DRC1: variants seen among roughly 807,000 people sequenced by gnomAD.
DRC1 encodes the protein dynein regulatory complex subunit 1, also known as dynein regulatory complex protein 1.
Under a neutral mutation model 98.7 loss-of-function variants are expected in DRC1, and 74 were observed. The observed-to-expected ratio is 0.75, with a 90% CI of 0.62 to 0.91. The LOEUF is 0.91. Ranked by LOEUF, DRC1 falls within the 40% of genes least tolerant of loss-of-function variation. DRC1 has a pLI of 0.00. For synonymous variants in DRC1, 336 were observed against 334.1 expected, an observed-to-expected ratio of 1.01 and a Z score of -0.06; for missense variants, 875 against 886.0, an observed-to-expected ratio of 0.99 and a Z score of 0.16.
chr2:26,403,823 G>A (rs773398939), intron 1 of DRC1, among the ~76,000 whole-genome samples: 8 of 142,238 alleles, frequency 5.6e-5, no homozygotes, highest in South Asian at 2.3e-4. Context: ...AAATTGGGCC[G>A]GGCGCAGTGG....
At position 26,454,583 on chromosome 2, in the gene DRC1, G is replaced by T; in HGVS notation, c.1920-64G>T. ...TGGGAAAGCAGTAGGCCTGTGACTG[G>T]CACTGCCTGGGGGCCTGGGTAGTAC... On this transcript the variant is annotated intron_variant, in intron 14 of 16. Coordinates refer to ENST00000288710, the MANE Select transcript of DRC1 (RefSeq NM_145038.5). This position sits in a 1 kb window ranked among gnomAD's most constrained non-coding sequence, Gnocchi z 5.2. The T allele has an allele frequency of 6.3e-7, 1 of 1,591,204 alleles. No homozygotes were observed. The highest frequency in any genetic ancestry group is 1.3e-5 in the African/African-American group (1 of 74,816).
At position 26,421,292 on chromosome 2, in the gene DRC1, T is replaced by C; in HGVS notation, c.248T>C (p.Leu83Ser). Reference protein sequence around the residue: ...YKQKEESRLKLAKLLLCGTEL... With the variant: ...YKQKEESRLKSAKLLLCGTEL... ...TTCTTATATCTCTCTTTTTAGAAAT[T>C]GGCTAAACTTCTGCTCTGTGGCACC... Residue 83 changes from leucine to serine, a missense_variant, in exon 3 of 17, where the codon TTG becomes TCG. By Grantham distance (145) the Leu-to-Ser change is moderately radical. Transcript: ENST00000288710. 1.2e-6 allele frequency: 2 copies of C among 1,612,340 alleles called. No homozygotes were observed. The highest frequency in any genetic ancestry group is 1.7e-6 in the Non-Finnish European group (2 of 1,179,206).
chr2:26,437,078 T>G (rs1663592967), intron 7 of DRC1, among the ~76,000 whole-genome samples: 1 of 152,242 alleles, frequency 6.6e-6, no homozygotes, highest in African/African-American at 2.4e-5. Flanking sequence ...TGTGTTCTGA[T>G]TCCTGACCCA....
At chr2:26,421,454 C>A in intron 3 of DRC1, 54 bp downstream of exon 3, 1 of 1,486,306 alleles carries the variant, frequency 6.7e-7, no homozygotes, top group Non-Finnish European at 9.3e-7. Context: ...CTCCATGGGT[C>A]CGGCAGTTCT....
chr2:26,418,679 AATT>A (rs1678927449), intron 2 of DRC1, among the ~76,000 whole-genome samples: 1 of 88,102 alleles, frequency 1.1e-5, no homozygotes, highest in South Asian at 3.2e-4. Flanking sequence ...AATTAAATAT[AATT>A]TATATTATAT....
chr2:26,454,674 G>A lies in DRC1; in HGVS notation c.1947G>A (p.Gln649=), dbSNP rs1371811536. Residue 649 remains glutamine (Q), a synonymous_variant, in exon 15 of 17, where the codon CAG becomes CAA. Transcript: ENST00000288710. The surrounding 1 kb of genome is among the most constrained non-coding windows in gnomAD (Gnocchi z 5.2). The part of the protein sequence containing the change: ...PRDSRAPLRV[Q]KNVRDNSKDS... ...ACTCGCGGGCCCCGCTGAGGGTACA[G>A]AAGAATGTGCGTGACAACTCCAAGG... The A allele has an allele frequency of 2.5e-6, 4 of 1,614,026 alleles. No homozygotes were observed. The highest frequency in any genetic ancestry group is 3.4e-6 in the Non-Finnish European group (4 of 1,180,036).
chr2:26,425,164 G>A (rs1337737255), intron 4 of DRC1, among the ~76,000 whole-genome samples: 1 of 152,082 alleles, frequency 6.6e-6, no homozygotes, highest in African/African-American at 2.4e-5. Flanking sequence ...GATACTTCCT[G>A]TGAGTGAAAT....
intron 9 of DRC1, 59 bp downstream of exon 9, chr2:26,444,415 G>C: frequency 6.3e-7 from 1 of 1,577,218 alleles, no homozygotes; most frequent in East Asian, 2.2e-5. Context: ...CGGGGATGGA[G>C]TTTGTACAAG....
chr2:26,449,550 T>C (rs1023995926), intron 11 of DRC1, among the ~76,000 whole-genome samples: 2 of 152,254 alleles, frequency 1.3e-5, no homozygotes, highest in African/African-American at 4.8e-5. Flanking sequence ...TTCCACCGCA[T>C]GTGTGCTGTG....
chr2:26,424,236 C>T (rs1448227903), intron 3 of DRC1, 35 bp from the exon 4 acceptor site: 3 of 1,611,062 alleles, frequency 1.9e-6, no homozygotes, highest in Middle Eastern at 1.7e-4. Context: ...GCATCTGGAG[C>T]TGGGTTGGCA....
chr2:26,453,439 G>A lies in DRC1; in HGVS notation c.1809G>A (p.Val603=). The part of the protein sequence containing the change: ...EMEGEKEESL[V]EGEKEEEEET... Reference sequence around the variant, plus strand: ...AGGGAGAAAAGGAAGAAAGCCTGGTGGAAGGGGAGAAGGAGGAAGAGGAGG... The same window carrying A: ...AGGGAGAAAAGGAAGAAAGCCTGGTAGAAGGGGAGAAGGAGGAAGAGGAGG... Residue 603 remains valine, a synonymous_variant, in exon 14 of 17, where the codon GTG becomes GTA. Transcript: ENST00000288710. 1 of 1,614,134 alleles carries A rather than the reference G, an allele frequency of 6.2e-7. No homozygotes were observed. The highest frequency in any genetic ancestry group is 8.5e-7 in the Non-Finnish European group (1 of 1,180,024).
In DRC1 at chr2:26,455,121, C is replaced by T. The variant is rs201647974; in HGVS notation, c.2064-10C>T. The T allele has an allele frequency of 5.6e-6, 9 of 1,614,004 alleles. No individual in the cohort carries two copies. In the Admixed American group the frequency reaches 1.5e-4, roughly 27 times the overall value. Reference sequence around the variant, plus strand: ...TTCAGTGAGCCTCTAACCGATTTTTCTGTCCAAAGCCTTGTCCTGACCCAG... The same window carrying T: ...TTCAGTGAGCCTCTAACCGATTTTTTTGTCCAAAGCCTTGTCCTGACCCAG... On this transcript the variant is annotated splice_polypyrimidine_tract_variant and intron_variant, in intron 15 of 16. Transcript: ENST00000288710.
chr2:26,454,684 C>T lies in DRC1; in HGVS notation c.1957C>T (p.Arg653Cys), dbSNP rs139106371. Residue 653 changes from arginine (R) to cysteine (C), a missense_variant, in exon 15 of 17, where the codon CGT (arginine) becomes TGT (cysteine). Transcript: ENST00000288710. The surrounding 1 kb of genome is among the most constrained non-coding windows in gnomAD (Gnocchi z 5.2). Reference sequence around the variant, plus strand: ...CCCGCTGAGGGTACAGAAGAATGTGCGTGACAACTCCAAGGACTCGGAGTA... The same window carrying T: ...CCCGCTGAGGGTACAGAAGAATGTGTGTGACAACTCCAAGGACTCGGAGTA... ...RAPLRVQKNV[R>C]DNSKDSEYWQ... is the part of the protein sequence containing the mutation. The T allele has an allele frequency of 2.2e-4, 348 of 1,614,074 alleles. 4 individuals carry two copies. The South Asian group carries it at 2.7e-3, about 12-fold the overall frequency.
chr2:26,450,143 A>G (rs1381846744), intron 12 of DRC1, 58 bp downstream of exon 12: 11 of 1,534,442 alleles, frequency 7.2e-6, no homozygotes, highest in African/African-American at 1.4e-5. Flanking sequence ...GTGTTCTCAG[A>G]TGGCCCTGCC....
intron 7 of DRC1, 57 bp from the exon 8 acceptor site, chr2:26,440,321 G>GTGTT: frequency 9.0e-7 from 1 of 1,108,644 alleles, no homozygotes; most frequent in Non-Finnish European, 1.1e-6. Context: ...TAGTGTGTTT[G>GTGTT]TGTGTGTGTG....
chr2:26,413,183 A>T (rs1405632782), intron 1 of DRC1, among the ~76,000 whole-genome samples: 4 of 152,230 alleles, frequency 2.6e-5, no homozygotes, highest in Admixed American at 1.3e-4. Context: ...GCTGTTAGGT[A>T]TTACATCATT....
In DRC1 at chr2:26,451,164, A is replaced by G. The variant is rs1021260549; in HGVS notation, c.1689+483A>G. Among the ~76,000 whole-genome samples, 7 of 152,174 alleles carry G rather than the reference A, an allele frequency of 4.6e-5. No individual in the cohort carries two copies. In the East Asian group the frequency reaches 5.8e-4, roughly 13 times the overall value. ...TTAGCATTTCCCTTATTGTTTATCA[A>G]TTTGTCTCTTTGTAAAGGGAAGAAT... On this transcript the variant is annotated intron_variant, in intron 13 of 16. Coordinates refer to ENST00000288710, the MANE Select transcript of DRC1 (RefSeq NM_145038.5).
chr2:26,440,201 C>T (rs1388970603), intron 7 of DRC1, among the ~76,000 whole-genome samples, 177 bp from the exon 8 acceptor site: 2 of 151,122 alleles, frequency 1.3e-5, no homozygotes, highest in Non-Finnish European at 2.9e-5. Flanking sequence ...CAGACATAAA[C>T]AGGATTATAT....
At chr2:26,410,935 A>G (rs1008562947) in intron 1 of DRC1, among the ~76,000 whole-genome samples, 2 of 152,270 alleles carry the variant, frequency 1.3e-5, no homozygotes, top group African/African-American at 2.4e-5. Context: ...TCAGTTAGCA[A>G]CACTGGAAGG....
Sources: gnomAD v4.1 joint callset for allele counts (sites outside exome capture counted in the v4.1 genomes callset) on GRCh38, gnomAD v4.1.1 for gene constraint, Gnocchi (gnomAD v3.1) non-coding constraint, MANE v1.5 for transcripts, NCBI Gene and HGNC (gene_info 2026-07-23, HGNC 2026-07-21) for gene names.